Variants in CSMD1 observed in about 807,000 individuals in gnomAD.
The protein encoded by CSMD1 is CUB and Sushi multiple domains 1.
A neutral mutation model predicts 417.5 loss-of-function variants in CSMD1; 213 were observed. The ratio of observed to expected loss-of-function variants is 0.51; its 90% CI spans 0.46 to 0.57. The LOEUF is 0.57. Ranked by LOEUF, CSMD1 falls within the 20% of genes least tolerant of loss-of-function variation. The pLI, the probability that CSMD1 is intolerant of heterozygous loss-of-function variation, is 0.00. For synonymous variants in CSMD1, 2,862 were observed against 1,736.8 expected (o/e 1.65, Z -16.11); for missense variants, 6,923 against 4,529.7 (o/e 1.53, Z -15.17).
At chr8:3,544,820 G>C (rs1261559709) in intron 10 of CSMD1, among the ~76,000 whole-genome samples, 4 of 152,088 alleles carry the variant, frequency 2.6e-5, no homozygotes, top group African/African-American at 9.7e-5. Flanking sequence ...AGACAAGCAG[G>C]AGATGACAAG....
At chr8:4,362,887 A>C (rs1225972578) in intron 3 of CSMD1, among the ~76,000 whole-genome samples, 1 of 152,230 alleles carries the variant, frequency 6.6e-6, no homozygotes, top group Non-Finnish European at 1.5e-5. Flanking sequence ...TCTGAGTTAT[A>C]AAAGTAATTT....
At chr8:3,588,187 T>C (rs1309784288) in intron 8 of CSMD1, among the ~76,000 whole-genome samples, 1 of 152,136 alleles carries the variant, frequency 6.6e-6, no homozygotes, top group Non-Finnish European at 1.5e-5. Context: ...ATTCTTTCAA[T>C]ATATTGTCAT....
At chr8:3,255,480 G>A (rs2117056061) in intron 26 of CSMD1, among the ~76,000 whole-genome samples, 1 of 152,336 alleles carries the variant, frequency 6.6e-6, no homozygotes, top group Admixed American at 6.5e-5. Context: ...AGCCTACAGA[G>A]GCAGGCAGGC....
chr8:4,552,608 T>C (rs1797922050), intron 2 of CSMD1, among the ~76,000 whole-genome samples: 1 of 151,944 alleles, frequency 6.6e-6, no homozygotes. Flanking sequence ...GGAATCACAG[T>C]GAGTTTCAAT....
intron 3 of CSMD1, among the ~76,000 whole-genome samples, chr8:4,310,459 C>T (rs140241674): frequency 0.01 from 1,527 of 152,326 alleles, 13 homozygotes; most frequent in Non-Finnish European, 0.017. Context: ...GAAGGATGAA[C>T]AGCATGCGTT....
chr8:3,843,531 T>C (rs1004910431), intron 5 of CSMD1, among the ~76,000 whole-genome samples: 5 of 151,824 alleles, frequency 3.3e-5, no homozygotes, highest in Non-Finnish European at 5.9e-5. Context: ...TGAAACTATA[T>C]AAAAGTAAAA....
intron 41 of CSMD1, among the ~76,000 whole-genome samples, chr8:3,137,541 T>G (rs1376488625): frequency 1.3e-5 from 2 of 152,228 alleles, no homozygotes; most frequent in East Asian, 3.8e-4. Context: ...AGGCATCCTT[T>G]AAACATAGAA....
At chr8:4,181,522 C>A (rs1480178436) in intron 3 of CSMD1, among the ~76,000 whole-genome samples, 1 of 152,006 alleles carries the variant, frequency 6.6e-6, no homozygotes, top group South Asian at 2.1e-4. Context: ...GAAAACCTTA[C>A]AATATTTTAA....
chr8:4,018,652 T>C (rs532649722), intron 4 of CSMD1, among the ~76,000 whole-genome samples: 1 of 152,344 alleles, frequency 6.6e-6, no homozygotes, highest in East Asian at 1.9e-4. Context: ...AAAACACTTG[T>C]TTAATTCAAG....
At chr8:4,256,958 T>C (rs950823317) in intron 3 of CSMD1, among the ~76,000 whole-genome samples, 5 of 152,186 alleles carry the variant, frequency 3.3e-5, no homozygotes, top group Non-Finnish European at 5.9e-5. Flanking sequence ...TGACCTCTAA[T>C]CACAGGCTGG....
intron 7 of CSMD1, among the ~76,000 whole-genome samples, chr8:3,654,306 T>A (rs191599690): frequency 6.6e-6 from 1 of 152,188 alleles, no homozygotes; most frequent in Non-Finnish European, 1.5e-5. Flanking sequence ...CAAAGATTTA[T>A]AAAATTATGT....
At chr8:3,064,384 C>G (rs1382989506) in intron 49 of CSMD1, among the ~76,000 whole-genome samples, 1 of 152,132 alleles carries the variant, frequency 6.6e-6, no homozygotes, top group Non-Finnish European at 1.5e-5. Flanking sequence ...AGCTCTCTCC[C>G]TCCTGCTGCC....
rs1370084994 is a variant in CSMD1 at position 3,997,944 on chromosome 8, A to G, written c.777T>C (p.Tyr259=). 4.3e-6 allele frequency: 7 copies of G among 1,612,458 alleles called. No individual in the cohort carries two copies. The highest frequency in any genetic ancestry group is 5.9e-6 in the Non-Finnish European group (7 of 1,179,274). Residue 259 remains tyrosine, a synonymous_variant, in exon 5 of 70, where the codon TAT becomes TAC. Coordinates refer to ENST00000635120, the MANE Select transcript of CSMD1 (RefSeq NM_033225.6). ...VFTDFQLEEG[Y]DFLEISGTEA... is the part of the protein sequence containing the mutation. ...CCGTGCCACTGATCTCTAAGAAATC[A>G]TATCCTTCTTCTAGCTGAAAGTCAG...
At position 3,321,079 on chromosome 8, in the gene CSMD1, C is replaced by T. The variant is rs565007834; in HGVS notation, c.3632-12576G>A. Among the ~76,000 whole-genome samples the T allele has an allele frequency of 3.3e-5, 5 of 152,250 alleles. No homozygotes were observed. In the South Asian group the frequency reaches 1.0e-3, roughly 32 times the overall value. ...AACTCTCAATCTCTTCCACCTTTGC[C>T]TCCCTTCTTTCCACTGCTCCTGTCA... On this transcript the variant is annotated intron_variant, in intron 23 of 69. Coordinates refer to ENST00000635120, the MANE Select transcript of CSMD1 (RefSeq NM_033225.6).
At chr8:3,044,062 C>G (rs1033392663) in intron 50 of CSMD1, among the ~76,000 whole-genome samples, 2 of 152,026 alleles carry the variant, frequency 1.3e-5, no homozygotes, top group African/African-American at 4.8e-5. Flanking sequence ...TCTGGTGTAC[C>G]ACAGCTAAAG....
At chr8:4,108,295 G>A (rs1014690989) in intron 3 of CSMD1, among the ~76,000 whole-genome samples, 1 of 152,172 alleles carries the variant, frequency 6.6e-6, no homozygotes, top group Admixed American at 6.5e-5. Context: ...TGGGAAGCCA[G>A]TAAACTCATA....
At chr8:3,548,541 C>G (rs947078591) in intron 10 of CSMD1, among the ~76,000 whole-genome samples, 1 of 151,754 alleles carries the variant, frequency 6.6e-6, no homozygotes, top group South Asian at 2.1e-4. Flanking sequence ...TGAGAACATA[C>G]GATGTTTGGT....
chr8:4,592,563 T>G (rs1800045941), intron 2 of CSMD1, among the ~76,000 whole-genome samples: 1 of 151,976 alleles, frequency 6.6e-6, no homozygotes, highest in Admixed American at 6.6e-5. Flanking sequence ...ATTTTTGTAT[T>G]TTTAGTAGAG....
chr8:3,306,576 A>T (rs1056315046), intron 25 of CSMD1, among the ~76,000 whole-genome samples: 3 of 152,164 alleles, frequency 2.0e-5, no homozygotes, highest in African/African-American at 7.2e-5. Flanking sequence ...TGGAGTGTAG[A>T]CGCCTGGGAC....
Sources: allele counts gnomAD v4.1 joint callset (sites outside exome capture counted in the v4.1 genomes callset), GRCh38; gene constraint gnomAD v4.1.1; transcripts MANE v1.5; gene names NCBI Gene and HGNC (gene_info 2026-07-23, HGNC 2026-07-21).